The following PALM2AKAP2 variants were observed in gnomAD, a reference collection of about 807,000 sequenced individuals.
The protein encoded by PALM2AKAP2 is PALM2-AKAP2 fusion protein.
PALM2AKAP2 carries 37 observed loss-of-function variants against 71.5 expected under a neutral mutation model. The ratio of observed to expected loss-of-function variants is 0.52; its 90% CI spans 0.40 to 0.68. The LOEUF (loss-of-function observed/expected upper bound fraction) is 0.68. PALM2AKAP2 is among the 30% of genes least tolerant of loss of function. PALM2AKAP2 has a pLI of 0.00. For synonymous variants in PALM2AKAP2, 468 were observed against 478.8 expected, an observed-to-expected ratio of 0.98 and a Z score of 0.29; for missense variants, 1,224 against 1,191.8, an observed-to-expected ratio of 1.03 and a Z score of -0.40.
intron 3 of PALM2AKAP2, among the ~76,000 whole-genome samples, chr9:109,900,696 G>A (rs1357256166): frequency 6.6e-6 from 1 of 152,210 alleles, no homozygotes; most frequent in Admixed American, 6.5e-5. Context: ...ATAATGGGAG[G>A]CAAGCCTTTA....
At chr9:109,763,610 A>G (rs887214068) in intron 1 of PALM2AKAP2, among the ~76,000 whole-genome samples, 6 of 152,174 alleles carry the variant, frequency 3.9e-5, no homozygotes, top group African/African-American at 1.4e-4. Context: ...GTGGCTTAAA[A>G]CAAGAGAAAT....
At chr9:109,847,898 A>G (rs1298580045) in intron 1 of PALM2AKAP2, among the ~76,000 whole-genome samples, 1 of 152,218 alleles carries the variant, frequency 6.6e-6, no homozygotes, top group African/African-American at 2.4e-5. Flanking sequence ...AGAGCAGACT[A>G]TATTCTTTTT....
intron 3 of PALM2AKAP2, among the ~76,000 whole-genome samples, chr9:109,921,939 T>G (rs1479723923): frequency 2.0e-5 from 3 of 152,094 alleles, no homozygotes; most frequent in Non-Finnish European, 4.4e-5. Flanking sequence ...GCTGCAAAGA[T>G]TATCCCTCCA....
chr9:109,672,754 G>A (rs1032580349), intron 1 of PALM2AKAP2, among the ~76,000 whole-genome samples: 68 of 151,904 alleles, frequency 4.5e-4, no homozygotes, highest in Admixed American at 2.4e-3. Flanking sequence ...TTGGTTGGTA[G>A]GCTGTTTATT....
intron 1 of PALM2AKAP2, among the ~76,000 whole-genome samples, chr9:110,054,270 A>T (rs955345455): frequency 2.6e-5 from 4 of 152,146 alleles, no homozygotes; most frequent in Admixed American, 1.3e-4. Context: ...GTGGTGGCGC[A>T]TGCCTGTAAT....
intron 1 of PALM2AKAP2, among the ~76,000 whole-genome samples, chr9:109,807,837 T>G (rs1449503613): frequency 6.6e-6 from 1 of 152,196 alleles, no homozygotes; most frequent in Admixed American, 6.5e-5. Flanking sequence ...GACTGAATCA[T>G]GGGGGTGGTT....
chr9:110,070,494 A>G (rs1834178501), intron 1 of PALM2AKAP2, among the ~76,000 whole-genome samples: 1 of 152,350 alleles, frequency 6.6e-6, no homozygotes, highest in African/African-American at 2.4e-5. Flanking sequence ...TAGAAAATGA[A>G]AAAAGAGCCT....
At chr9:109,972,435 G>T (rs1436936889) in intron 6 of PALM2AKAP2, among the ~76,000 whole-genome samples, 3 of 152,238 alleles carry the variant, frequency 2.0e-5, no homozygotes, top group Non-Finnish European at 4.4e-5. Flanking sequence ...GGAAGCAGAA[G>T]CAGAAGGGAA....
chr9:110,046,907 AAATTCTTC>A (rs1363363695), upstream of PALM2AKAP2, among the ~76,000 whole-genome samples: 2,252 of 152,298 alleles, frequency 0.015, 60 homozygotes, highest in African/African-American at 0.05. Flanking sequence ...TGTAATTCTA[AAATTCTTC>A]CTTAGAGAGT....
At chr9:109,681,116 T>C (rs1292380664) in intron 1 of PALM2AKAP2, among the ~76,000 whole-genome samples, 11 of 152,252 alleles carry the variant, frequency 7.2e-5, no homozygotes, top group Admixed American at 7.2e-4. Context: ...CATAGTTTTC[T>C]CTCAATAAAT....
intron 6 of PALM2AKAP2, among the ~76,000 whole-genome samples, chr9:109,991,556 C>A (rs937979221): frequency 1.3e-5 from 2 of 152,132 alleles, no homozygotes; most frequent in East Asian, 3.9e-4. Flanking sequence ...TTGGCCACCA[C>A]GTCTTTAAGA....
chr9:109,925,962 T>C (rs1374107327), intron 5 of PALM2AKAP2, among the ~76,000 whole-genome samples: 1 of 152,114 alleles, frequency 6.6e-6, no homozygotes, highest in Non-Finnish European at 1.5e-5. Context: ...CTGCCAGCAC[T>C]TTGGAAGACT....
chr9:110,094,681 A>T (rs948746276), intron 1 of PALM2AKAP2, among the ~76,000 whole-genome samples: 1 of 147,972 alleles, frequency 6.8e-6, no homozygotes, highest in Non-Finnish European at 1.5e-5. Context: ...GGGGGCGGGT[A>T]ATCTGCCCCC....
At chr9:109,800,115 TG>T (rs1827380586) in intron 1 of PALM2AKAP2, among the ~76,000 whole-genome samples, 1 of 152,214 alleles carries the variant, frequency 6.6e-6, no homozygotes, top group South Asian at 2.1e-4. Context: ...ATCACCTGAT[TG>T]TTACCCAGCA....
chr9:109,651,328 C>G (rs1277976629), intron 1 of PALM2AKAP2, among the ~76,000 whole-genome samples: 1 of 152,204 alleles, frequency 6.6e-6, no homozygotes, highest in African/African-American at 2.4e-5. Flanking sequence ...AGCTACAGCT[C>G]TCTCCCACTG....
rs1564172566 is a variant in PALM2AKAP2 at position 109,837,952 on chromosome 9, C to A, written c.46-29539C>A. 3.3e-5 allele frequency among the ~76,000 whole-genome samples: 5 copies of A among 152,262 alleles called. No individual in the cohort carries two copies. In the East Asian group the frequency reaches 7.7e-4, roughly 23 times the overall value. On this transcript the variant is annotated intron_variant, in intron 1 of 9. Coordinates refer to the PALM2AKAP2 transcript ENST00000302798. ...ATGGGAGACTTTAACACCCCACTAT[C>A]AACATTAGACAGATAACGAGACAGA...
At chr9:109,776,834 G>A (rs1007275520), upstream of PALM2AKAP2, among the ~76,000 whole-genome samples, 5 of 152,138 alleles carry the variant, frequency 3.3e-5, no homozygotes, top group East Asian at 1.9e-4. Flanking sequence ...TTGATAATCC[G>A]CAACACTGAA....
At chr9:110,164,912 G>T (rs1412386725) in intron 3 of PALM2AKAP2, among the ~76,000 whole-genome samples, 1 of 151,960 alleles carries the variant, frequency 6.6e-6, no homozygotes, top group East Asian at 1.9e-4. Context: ...TCTCTGGTGT[G>T]TCTCCTTCTG....
intron 1 of PALM2AKAP2, among the ~76,000 whole-genome samples, chr9:109,701,794 A>G (rs1196545787): frequency 1.3e-5 from 2 of 152,272 alleles, no homozygotes; most frequent in African/African-American, 4.8e-5. Flanking sequence ...AACTACCATC[A>G]GAGTGAACAG....
Sources: gnomAD v4.1 joint callset for allele counts (sites outside exome capture counted in the v4.1 genomes callset) on GRCh38, gnomAD v4.1.1 for gene constraint, MANE v1.5 for transcripts, NCBI Gene and HGNC (gene_info 2026-07-23, HGNC 2026-07-21) for gene names.